Variants in SPATA9 observed in about 807,000 individuals in gnomAD.
The protein encoded by SPATA9 is spermatogenesis associated 9, also known as spermatogenesis-associated protein 9.
In SPATA9, 27 loss-of-function variants were observed where a neutral mutation model predicts 25.5. The ratio of observed to expected loss-of-function variants is 1.06; its 90% CI spans 0.78 to 1.46. SPATA9 has a LOEUF of 1.46. Ranked by LOEUF, SPATA9 falls within the 40% of genes most tolerant of loss-of-function variation. The pLI, the probability that SPATA9 is intolerant of heterozygous loss-of-function variation, is 0.00. For synonymous variants in SPATA9, 102 were observed against 105.7 expected, an observed-to-expected ratio of 0.97 and a Z score of 0.21; for missense variants, 282 against 297.5, an observed-to-expected ratio of 0.95 and a Z score of 0.38.
chr5:95,665,371 T>G (rs909311377), intron 3 of SPATA9, among the ~76,000 whole-genome samples: 9 of 152,334 alleles, frequency 5.9e-5, no homozygotes, highest in African/African-American at 2.2e-4. Flanking sequence ...CCTTTTCCCC[T>G]TTCCCTACCT....
chr5:95,694,749 G>A (rs1439772741), intron 1 of SPATA9, among the ~76,000 whole-genome samples: 1 of 152,114 alleles, frequency 6.6e-6, no homozygotes, highest in East Asian at 1.9e-4. Flanking sequence ...TTCAAAATAT[G>A]CCACTTTGAC....
Position 95,658,688 on chromosome 5 carries a change from T to C in SPATA9, c.700A>G (p.Ser234Gly). The C allele has an allele frequency of 6.2e-7, 1 of 1,613,852 alleles. No individual in the cohort carries two copies. Among genetic ancestry groups the C allele is most frequent in the Non-Finnish European group, 8.5e-7 (1 of 1,179,894 alleles). ...GAATGTAAAACTTGGATGTTATTAC[T>C]CTGCTTATTAGCAAGAAGCTTGGGG... ...DYPKLLANKQ[S>G]NNIQVLHSVF... Residue 234 changes from serine to glycine, a missense_variant, in exon 5 of 5, where the codon AGT becomes GGT. Physicochemically the swap from Ser to Gly is moderately conservative, Grantham distance 56 (BLOSUM62 0). Coordinates refer to ENST00000274432, the MANE Select transcript of SPATA9 (RefSeq NM_031952.4).
At chr5:95,671,553 G>A (rs566277480) in intron 3 of SPATA9, among the ~76,000 whole-genome samples, 1 of 152,190 alleles carries the variant, frequency 6.6e-6, no homozygotes, top group African/African-American at 2.4e-5. Flanking sequence ...GGGATTACAG[G>A]TGCCTGCCAT....
At chr5:95,670,742 G>C (rs922635273) in intron 3 of SPATA9, 1 of 565,102 alleles carries the variant, frequency 1.8e-6, no homozygotes, top group Non-Finnish European at 2.2e-6. Context: ...ACTGTACTTT[G>C]CTCTCAGCAC....
At chr5:95,727,144 AT>A in the SPATA9 span, among the ~76,000 whole-genome samples, 1 of 152,120 alleles carries the variant, frequency 6.6e-6, no homozygotes, top group Non-Finnish European at 1.5e-5. Flanking sequence ...AAACTTTAAT[AT>A]TTTTTTAAAA....
At chr5:95,696,404 A>G (rs971418540) in intron 1 of SPATA9, among the ~76,000 whole-genome samples, 4 of 152,240 alleles carry the variant, frequency 2.6e-5, no homozygotes, top group African/African-American at 9.6e-5. Context: ...GTCTAGTACC[A>G]TAGAAAACAT....
chr5:95,708,807 C>T, the SPATA9 span: 1 of 591,666 alleles, frequency 1.7e-6, no homozygotes, highest in Admixed American at 2.7e-5. Flanking sequence ...AAGTACCGGC[C>T]CTCCAAGTAG....
the SPATA9 span, among the ~76,000 whole-genome samples, chr5:95,722,426 A>G: frequency 2.0e-5 from 3 of 152,188 alleles, no homozygotes; most frequent in African/African-American, 4.8e-5. Flanking sequence ...TACACAATCA[A>G]TGGTGCTTGA....
chr5:95,654,090 C>T, downstream of SPATA9: 2 of 1,611,358 alleles, frequency 1.2e-6, no homozygotes, highest in African/African-American at 1.3e-5. Flanking sequence ...GCACAAGATC[C>T]TGAAAAGAGG....
At position 95,682,568 on chromosome 5, in the gene SPATA9, T is replaced by C. The variant is rs1287887246; in HGVS notation, c.110A>G (p.Asp37Gly). ...AIMDLVDEFK[D>G]EFPTILRLSQ... ...TAATCTTAGGATGGTGGGAAATTCA[T>C]CTTTAAACTCATCTACAAGGTCCAT... The change falls in exon 2 of 5, where the codon GAT becomes GGT. Residue 37 changes from aspartate to glycine, a missense_variant. By Grantham distance (94) the Asp-to-Gly change is moderately conservative. Transcript: ENST00000274432. 4 of 1,613,714 alleles carry C rather than the reference T, an allele frequency of 2.5e-6. No homozygotes were observed. In the African/African-American group the frequency reaches 4.0e-5, roughly 16 times the overall value.
At chr5:95,698,828 CT>C (rs1754105894), upstream of SPATA9, 1 of 152,136 alleles carries the variant, frequency 6.6e-6, no homozygotes, top group Non-Finnish European at 1.5e-5. Flanking sequence ...TACTTATTAC[CT>C]GAGAGCAACA....
intron 4 of SPATA9, among the ~76,000 whole-genome samples, chr5:95,662,216 C>T (rs1470093842): frequency 6.6e-6 from 1 of 151,974 alleles, no homozygotes; most frequent in Non-Finnish European, 1.5e-5. Context: ...ATTGGATACT[C>T]ATGGGGAAAA....
chr5:95,693,149 G>A (rs1471989724), intron 1 of SPATA9, among the ~76,000 whole-genome samples: 1 of 152,178 alleles, frequency 6.6e-6, no homozygotes, highest in African/African-American at 2.4e-5. Flanking sequence ...TAGCGAGAAT[G>A]TAAACTGGCA....
the SPATA9 span, among the ~76,000 whole-genome samples, chr5:95,725,140 A>C: frequency 6.6e-6 from 1 of 152,254 alleles, no homozygotes; most frequent in Non-Finnish European, 1.5e-5. Flanking sequence ...AAAACCTGGG[A>C]ATAGCCCACG....
intron 3 of SPATA9, among the ~76,000 whole-genome samples, chr5:95,669,994 T>C (rs1231588831): frequency 6.6e-6 from 1 of 152,114 alleles, no homozygotes; most frequent in Non-Finnish European, 1.5e-5. Flanking sequence ...AGAACCCTCT[T>C]CTAACAAGGT....
intron 1 of SPATA9, among the ~76,000 whole-genome samples, chr5:95,689,693 G>T (rs1376697734): frequency 6.6e-6 from 1 of 152,140 alleles, no homozygotes; most frequent in Admixed American, 6.6e-5. Flanking sequence ...AAAAATTTCA[G>T]TGTAAGAGAA....
downstream of SPATA9, among the ~76,000 whole-genome samples, chr5:95,654,793 GGAT>G (rs1750629144): frequency 6.6e-6 from 1 of 152,028 alleles, no homozygotes; most frequent in Non-Finnish European, 1.5e-5. Context: ...GCACGTCATA[GGAT>G]GATAATAGTC....
At chr5:95,720,331 T>TC in the SPATA9 span, among the ~76,000 whole-genome samples, 1 of 29,542 alleles carries the variant, frequency 3.4e-5, no homozygotes, top group Non-Finnish European at 4.9e-5. Flanking sequence ...TTTAGATCAA[T>TC]TCACTTCCTG....
intron 3 of SPATA9, among the ~76,000 whole-genome samples, chr5:95,667,184 T>C (rs566794703): frequency 6.6e-6 from 1 of 152,222 alleles, no homozygotes; most frequent in Non-Finnish European, 1.5e-5. Context: ...TGTTCTAGTA[T>C]GCTCAGTGTT....
Sources: allele counts gnomAD v4.1 joint callset (sites outside exome capture counted in the v4.1 genomes callset), GRCh38; gene constraint gnomAD v4.1.1; transcripts MANE v1.5; gene names NCBI Gene and HGNC (gene_info 2026-07-23, HGNC 2026-07-21).